DPP10: variants seen among roughly 807,000 people sequenced by gnomAD.
DPP10 encodes dipeptidyl peptidase like 10, also known as inactive dipeptidyl peptidase 10.
A neutral mutation model predicts 120.9 loss-of-function variants in DPP10; 33 were observed. The observed-to-expected ratio is 0.27, with a 90% CI of 0.21 to 0.37. DPP10 has a LOEUF of 0.37. Ranked by LOEUF, DPP10 falls within the 10% of genes least tolerant of loss-of-function variation. The pLI, the probability that DPP10 is intolerant of heterozygous loss-of-function variation, is 1.00. For missense variants in DPP10, 816 were observed against 942.8 expected (o/e 0.87, Z 1.76); for synonymous variants, 337 against 326.1 (o/e 1.03, Z -0.36).
chr2:114,843,059 G>A (rs949145679), intron 1 of DPP10, among the ~76,000 whole-genome samples: 1 of 152,080 alleles, frequency 6.6e-6, no homozygotes, highest in Non-Finnish European at 1.5e-5. Context: ...GACTGGGGTA[G>A]GTATCAAATA....
chr2:115,308,844 G>A lies in DPP10; in HGVS notation c.61-395G>A, dbSNP rs554369817. Among the ~76,000 whole-genome samples the A allele has an allele frequency of 3.9e-5, 6 of 151,988 alleles. No homozygotes were observed. In the South Asian group the frequency reaches 6.2e-4, roughly 16 times the overall value. ...GCCCCATCCAGTTAGAAAGTAGCCC[G>A]TAGTGCTTCAAGAACATTTACATTT... On this transcript the variant is annotated intron_variant, in intron 1 of 25. Transcript: ENST00000410059.
chr2:115,626,369 C>T (rs570546038), intron 5 of DPP10, among the ~76,000 whole-genome samples: 83 of 152,044 alleles, frequency 5.5e-4, no homozygotes, highest in African/African-American at 1.6e-3. Context: ...TGTCAATTAA[C>T]GTACTAATTC....
intron 1 of DPP10, among the ~76,000 whole-genome samples, chr2:115,219,504 C>T (rs998313891): frequency 2.6e-5 from 4 of 151,998 alleles, no homozygotes; most frequent in African/African-American, 7.2e-5. Context: ...TTTCTTTGTC[C>T]GTGGTGCTGA....
intron 1 of DPP10, among the ~76,000 whole-genome samples, chr2:115,257,425 C>T (rs1447304931): frequency 6.6e-6 from 1 of 152,126 alleles, no homozygotes; most frequent in African/African-American, 2.4e-5. Flanking sequence ...TCAGGGAGCT[C>T]ACAATCATGG....
chr2:115,427,308 G>A (rs946763548), intron 3 of DPP10, among the ~76,000 whole-genome samples: 2 of 152,206 alleles, frequency 1.3e-5, no homozygotes, highest in Admixed American at 6.5e-5. Flanking sequence ...TTTCCCCATA[G>A]CACTACCCTG....
intron 1 of DPP10, among the ~76,000 whole-genome samples, chr2:114,920,421 T>A (rs1251230601): frequency 6.6e-6 from 1 of 152,132 alleles, no homozygotes; most frequent in Non-Finnish European, 1.5e-5. Flanking sequence ...CTCTCCCATC[T>A]CCATACGTGC....
At chr2:114,594,642 G>C (rs535013812) in intron 1 of DPP10, among the ~76,000 whole-genome samples, 4 of 149,950 alleles carry the variant, frequency 2.7e-5, no homozygotes, top group Non-Finnish European at 5.9e-5. Context: ...TATCCTCTTG[G>C]GGAGAGGTCA....
chr2:115,489,345 G>A (rs2075967100), intron 3 of DPP10, among the ~76,000 whole-genome samples: 1 of 151,582 alleles, frequency 6.6e-6, no homozygotes, highest in African/African-American at 2.4e-5. Context: ...GCCCCCAACA[G>A]ACCAAACAGA....
intron 7 of DPP10, among the ~76,000 whole-genome samples, chr2:115,694,464 C>A (rs1420235806): frequency 3.9e-5 from 6 of 152,002 alleles, no homozygotes; most frequent in African/African-American, 1.5e-4. Flanking sequence ...GGAGAACTTT[C>A]AATAGCACTA....
chr2:115,836,507 C>A lies in DPP10; in HGVS notation c.2051C>A (p.Ala684Asp), dbSNP rs138159056. 610 of 1,613,234 alleles carry A rather than the reference C, an allele frequency of 3.8e-4. 3 individuals are homozygous for A. In the East Asian group the frequency reaches 0.011, roughly 28 times the overall value. ...GAATGTCTGTTTTCTTGGGTCACAG[C>A]CTCAGCTTTCTCTGAAAGATACCTT... ...VAPITDLKLY[A>D]SAFSERYLGM... Residue 684 changes from alanine (A) to aspartate (D), a missense_variant and splice_region_variant, in exon 23 of 26, where the codon GCC (alanine) becomes GAC (aspartate). Physicochemically the swap from Ala to Asp is moderately radical, Grantham distance 126 (BLOSUM62 -2). Transcript: ENST00000410059.
chr2:115,147,562 C>A (rs917757778), intron 1 of DPP10, among the ~76,000 whole-genome samples: 1 of 151,962 alleles, frequency 6.6e-6, no homozygotes, highest in African/African-American at 2.4e-5. Context: ...ATTATACTTT[C>A]AATAAATGTG....
intron 1 of DPP10, among the ~76,000 whole-genome samples, chr2:114,875,763 T>C (rs1026748610): frequency 6.6e-6 from 1 of 152,186 alleles, no homozygotes; most frequent in East Asian, 1.9e-4. Flanking sequence ...CTATGTCACA[T>C]GCTATTTTAT....
At position 115,525,945 on chromosome 2, in the gene DPP10, T is replaced by C. The variant is rs750701229; in HGVS notation, c.414T>C (p.Tyr138=). The change falls in exon 5 of 26, where the codon TAT becomes TAC. Residue 138 remains tyrosine (Y), a synonymous_variant. Transcript: ENST00000410059. ...ATTCAGTTTCACCAGATTTAAAATA[T>C]GTCCTTCTGGCATATGATGTCAAAC... The part of the protein sequence containing the change: ...SRHSVSPDLK[Y]VLLAYDVKQI... 6.2e-7 allele frequency: 1 copy of C among 1,610,948 alleles called. No homozygotes were observed. The highest frequency in any genetic ancestry group is 8.5e-7 in the Non-Finnish European group (1 of 1,178,730).
chr2:115,490,543 G>A (rs952685046), intron 3 of DPP10, among the ~76,000 whole-genome samples: 2 of 152,054 alleles, frequency 1.3e-5, no homozygotes, highest in African/African-American at 4.8e-5. Context: ...AAACCAAATG[G>A]TAACCCAACT....
At chr2:114,980,513 C>A (rs1700013832) in intron 1 of DPP10, among the ~76,000 whole-genome samples, 1 of 149,512 alleles carries the variant, frequency 6.7e-6, no homozygotes, top group Non-Finnish European at 1.5e-5. Flanking sequence ...ATTTTATAAA[C>A]AAATTTAAAG....
At chr2:115,031,945 A>G (rs569383845) in intron 1 of DPP10, among the ~76,000 whole-genome samples, 3 of 152,296 alleles carry the variant, frequency 2.0e-5, no homozygotes, top group Non-Finnish European at 4.4e-5. Context: ...TTGCTGAATT[A>G]TTCTATTTTC....
In DPP10 at chr2:115,403,720, A is replaced by G. The variant is rs1007305131; in HGVS notation, c.271+59808A>G. On this transcript the variant is annotated intron_variant, in intron 3 of 25. Coordinates refer to ENST00000410059, the MANE Select transcript of DPP10 (RefSeq NM_020868.6). Reference sequence around the variant, plus strand: ...TGCCTGGCCACACCACTTCTCTTTGATAAAGTACTAGAAATCAGAGCCAGA... The same window carrying G: ...TGCCTGGCCACACCACTTCTCTTTGGTAAAGTACTAGAAATCAGAGCCAGA... Among the ~76,000 whole-genome samples, 4 of 152,114 alleles carry G rather than the reference A, an allele frequency of 2.6e-5. No individual in the cohort carries two copies. The East Asian group carries it at 7.7e-4, about 29-fold the overall frequency.
chr2:115,382,679 A>T (rs1188383526), intron 3 of DPP10, among the ~76,000 whole-genome samples: 1 of 152,072 alleles, frequency 6.6e-6, no homozygotes, highest in Non-Finnish European at 1.5e-5. Context: ...AAGTAGGGAC[A>T]TTTTGCTGTC....
intron 1 of DPP10, among the ~76,000 whole-genome samples, chr2:114,689,108 T>G (rs543144333): frequency 1.3e-5 from 2 of 152,022 alleles, no homozygotes; most frequent in African/African-American, 2.4e-5. Context: ...GCGGTACATG[T>G]GCAGGATGTG....
Sources: gnomAD v4.1 joint callset for allele counts (sites outside exome capture counted in the v4.1 genomes callset) on GRCh38, gnomAD v4.1.1 for gene constraint, MANE v1.5 for transcripts, NCBI Gene and HGNC (gene_info 2026-07-23, HGNC 2026-07-21) for gene names.